ETFA: variants seen among roughly 807,000 people sequenced by gnomAD.
ETFA encodes electron transfer flavoprotein subunit alpha.
In ETFA, 22 loss-of-function variants were observed where a neutral mutation model predicts 46.2. That is an observed-to-expected ratio of 0.48 (90% CI 0.34 to 0.68). The LOEUF (loss-of-function observed/expected upper bound fraction) is 0.68, where lower values mean the gene tolerates loss of function less well. ETFA is among the 30% of genes least tolerant of loss of function. The pLI, the probability that ETFA is intolerant of heterozygous loss-of-function variation, is 0.01. For synonymous variants in ETFA, 131 were observed against 139.9 expected (o/e 0.94, Z 0.45); for missense variants, 345 against 401.1 (o/e 0.86, Z 1.19).
intron 11 of ETFA, among the ~76,000 whole-genome samples, chr15:76,221,131 A>G (rs1460525087): frequency 6.6e-6 from 1 of 152,254 alleles, no homozygotes; most frequent in Non-Finnish European, 1.5e-5. Flanking sequence ...CCTACAATGG[A>G]TATTATTTGG....
chr15:76,238,057 T>G (rs1468455944), intron 9 of ETFA, among the ~76,000 whole-genome samples: 1 of 152,218 alleles, frequency 6.6e-6, no homozygotes, highest in Non-Finnish European at 1.5e-5. Flanking sequence ...CATATCAAGT[T>G]GATCATATTA....
chr15:76,247,199 T>TA (rs59424639), intron 9 of ETFA, among the ~76,000 whole-genome samples: 43,208 of 151,966 alleles, frequency 0.28, 6,533 homozygotes, highest in East Asian at 0.54. Flanking sequence ...TATTCAAATT[T>TA]AAAAAAACAA....
Position 76,287,794 on chromosome 15 carries a change from G to A in ETFA, c.451+52C>T, listed in dbSNP as rs2039716620. 1.6e-5 allele frequency: 19 copies of A among 1,207,250 alleles called. No homozygotes were observed. In the South Asian group the frequency reaches 2.2e-4, roughly 14 times the overall value. 74.8% of individuals were successfully genotyped at this position (1,207,250 alleles called of 1,614,324 possible). On this transcript the variant is annotated intron_variant, in intron 5 of 11. Transcript: ENST00000557943. ...AATTCTATCTTCAAGATTAATTTAT[G>A]CTTTTCACTAAAATTTAACATGTTG...
chr15:76,287,232 C>T (rs150090783), intron 5 of ETFA, among the ~76,000 whole-genome samples: 1 of 152,192 alleles, frequency 6.6e-6, no homozygotes, highest in Admixed American at 6.5e-5. Flanking sequence ...GGCATGATCA[C>T]AACTCACCAT....
At chr15:76,287,626 C>A in intron 5 of ETFA, 1 of 470,682 alleles carries the variant, frequency 2.1e-6, no homozygotes, top group Non-Finnish European at 3.9e-6. Context: ...ACCCTGCAAA[C>A]TGAATAAACA....
intron 9 of ETFA, among the ~76,000 whole-genome samples, chr15:76,235,490 GA>G (rs1302542924): frequency 6.6e-6 from 1 of 152,218 alleles, no homozygotes; most frequent in Non-Finnish European, 1.5e-5. Flanking sequence ...TGGGTGGCCA[GA>G]ATCCCCTGTG....
At chr15:76,297,596 T>C (rs912300114) in intron 1 of ETFA, among the ~76,000 whole-genome samples, 1 of 152,076 alleles carries the variant, frequency 6.6e-6, no homozygotes, top group African/African-American at 2.4e-5. Flanking sequence ...CTGTAAATTA[T>C]AGTTCTATCA....
At chr15:76,216,924 C>T (rs767049206) in intron 11 of ETFA, among the ~76,000 whole-genome samples, 2 of 142,548 alleles carry the variant, frequency 1.4e-5, no homozygotes, top group Non-Finnish European at 3.0e-5. Context: ...TGGCTCACTG[C>T]AGCATCTACC....
At chr15:76,231,260 T>C in intron 10 of ETFA, 73 bp downstream of exon 10, 1 of 921,942 alleles carries the variant, frequency 1.1e-6, no homozygotes. Flanking sequence ...TGTAACTACA[T>C]GGAAACATAC....
At chr15:76,222,830 C>A (rs1363346726) in intron 11 of ETFA, among the ~76,000 whole-genome samples, 3 of 122,922 alleles carry the variant, frequency 2.4e-5, no homozygotes, top group African/African-American at 5.4e-5. Context: ...TTTTTTCCCC[C>A]AAACTGAATT....
Position 76,311,365 on chromosome 15 carries a change from C to T in ETFA, c.24G>A (p.Gly8=), listed in dbSNP as rs2141564548. The part of the protein sequence containing the change: MFRAAAP[G]QLRRAASLLR... ...CCGGACTCACCGCCCGCCGGAGCTG[C>T]CCCGGAGCCGCCGCTCGGAACATGG... Residue 8 remains glycine (G), a synonymous_variant, in exon 1 of 12, where the codon GGG becomes GGA. Coordinates refer to ENST00000557943, the MANE Select transcript of ETFA (RefSeq NM_000126.4). 6.4e-7 allele frequency: 1 copy of T among 1,561,998 alleles called. No homozygotes were observed. Among genetic ancestry groups the T allele is most frequent in the African/African-American group, 1.4e-5 (1 of 73,948 alleles).
intron 5 of ETFA, among the ~76,000 whole-genome samples, chr15:76,287,084 C>T (rs1027029417): frequency 1.3e-5 from 2 of 152,154 alleles, no homozygotes; most frequent in East Asian, 3.8e-4. Flanking sequence ...AGGCAAAAAA[C>T]GAAGAGTTCA....
At chr15:76,228,182 A>T in intron 10 of ETFA, 1 of 357,784 alleles carries the variant, frequency 2.8e-6, no homozygotes, top group Non-Finnish European at 5.5e-6. Flanking sequence ...CTATATAACA[A>T]TTGTTATTAT....
chr15:76,268,449 T>G (rs1048339889), intron 9 of ETFA, among the ~76,000 whole-genome samples: 1 of 152,074 alleles, frequency 6.6e-6, no homozygotes, highest in Admixed American at 6.5e-5. Flanking sequence ...TCAACCCCCA[T>G]AACATGGGAC....
In ETFA at chr15:76,299,561, G is replaced by T. The variant is rs565060476; in HGVS notation, c.40-3824C>A. Among the ~76,000 whole-genome samples, 136 of 152,242 alleles carry T rather than the reference G, an allele frequency of 8.9e-4. 1 individual carries two copies. Among genetic ancestry groups the T allele is most frequent in the African/African-American group, 3.2e-3 (133 of 41,544 alleles). On this transcript the variant is annotated intron_variant, in intron 1 of 11. Transcript: ENST00000557943. The stretch of plus-strand genomic sequence containing the variant: ...GCCTCCCAGAGTGCTTGGATTACAG[G>T]CATGAGCCACTGTGCCTGCCTCCTG...
chr15:76,262,090 A>G (rs534440022), intron 9 of ETFA, among the ~76,000 whole-genome samples: 2 of 152,324 alleles, frequency 1.3e-5, no homozygotes, highest in East Asian at 3.9e-4. Flanking sequence ...AAAAACAACT[A>G]AATGCAAATC....
intron 1 of ETFA, among the ~76,000 whole-genome samples, chr15:76,310,699 A>G (rs1201540539): frequency 6.6e-6 from 1 of 152,238 alleles, no homozygotes; most frequent in Non-Finnish European, 1.5e-5. Context: ...GTCAGCCTGA[A>G]GCATATAAAA....
At chr15:76,247,108 T>C (rs1381278711) in intron 9 of ETFA, among the ~76,000 whole-genome samples, 1 of 152,246 alleles carries the variant, frequency 6.6e-6, no homozygotes, top group Non-Finnish European at 1.5e-5. Context: ...AATTAATCTA[T>C]ACATCCAATG....
chr15:76,287,601 C>A (rs978831880), intron 5 of ETFA, among the ~76,000 whole-genome samples: 2 of 152,014 alleles, frequency 1.3e-5, no homozygotes, highest in Non-Finnish European at 2.9e-5. Flanking sequence ...TTTTATTGAT[C>A]ACTAGGAAAA....
Sources: gnomAD v4.1 joint callset for allele counts (sites outside exome capture counted in the v4.1 genomes callset) on GRCh38, gnomAD v4.1.1 for gene constraint, MANE v1.5 for transcripts, NCBI Gene and HGNC (gene_info 2026-07-23, HGNC 2026-07-21) for gene names.